The following AP2A1 variants were observed in gnomAD, a reference collection of about 807,000 sequenced individuals.
AP2A1 encodes the protein adaptor related protein complex 2 subunit alpha 1.
In AP2A1, 21 loss-of-function variants were observed where a neutral mutation model predicts 107.3. That is an observed-to-expected ratio of 0.20 (90% confidence interval 0.14 to 0.28). The LOEUF (loss-of-function observed/expected upper bound fraction) is 0.28. Ranked by LOEUF, AP2A1 falls within the 10% of genes least tolerant of loss-of-function variation. The pLI, the probability that AP2A1 is intolerant of heterozygous loss-of-function variation, is 1.00. For missense variants in AP2A1, 873 were observed against 1,307.7 expected (o/e 0.67, Z 5.13); for synonymous variants, 602 against 564.8 (o/e 1.07, Z -0.93).
chr19:49,803,629 T>A lies in AP2A1; in HGVS notation c.2344+253T>A. ...CCTGCTCCAGGCCTCATTTTGTCCC[T>A]GTCTGGCACCTTCCGTGTCCTGCCA... is the stretch of plus-strand genomic sequence containing the variant. On this transcript the variant is annotated intron_variant, in intron 18 of 22. Coordinates refer to ENST00000354293, the MANE Select transcript of AP2A1 (RefSeq NM_130787.3). The A allele has an allele frequency of 1.3e-5, 7 of 523,488 alleles. No homozygotes were observed. In the South Asian group the frequency reaches 1.4e-4, roughly 11 times the overall value. 32.4% of individuals were successfully genotyped at this position (523,488 alleles called of 1,614,324 possible). A position where few individuals can be genotyped will look rare whatever the true frequency, so the allele number is the denominator to read the frequency against.
At chr19:49,771,160 G>A (rs1035786018) in intron 1 of AP2A1, among the ~76,000 whole-genome samples, 1 of 151,652 alleles carries the variant, frequency 6.6e-6, no homozygotes, top group African/African-American at 2.4e-5. Flanking sequence ...AGCATTCAGA[G>A]CTTCTTTTGG....
In AP2A1 at chr19:49,805,957, C is replaced by T. The variant is rs747904663; in HGVS notation, c.2655+16C>T. 7 of 1,613,678 alleles carry T rather than the reference C, an allele frequency of 4.3e-6. No homozygotes were observed. The highest frequency in any genetic ancestry group is 1.1e-5 in the South Asian group (1 of 91,078). ...TAAGGCCAAGGTGAGAGACCGCGGGCGTGTTTGCCGGCCTATGGCTGCTTT... is the reference window on the plus strand; with the variant it reads ...TAAGGCCAAGGTGAGAGACCGCGGGTGTGTTTGCCGGCCTATGGCTGCTTT... On this transcript the variant is annotated intron_variant, in intron 21 of 22. Transcript: ENST00000354293.
rs2084690103 is a variant in AP2A1 at position 49,782,524 on chromosome 19, C to T, written c.280-7C>T. The T allele has an allele frequency of 1.9e-6, 3 of 1,612,436 alleles. No individual in the cohort carries two copies. The highest frequency in any genetic ancestry group is 1.3e-5 in the African/African-American group (1 of 74,910). On this transcript the variant is annotated splice_polypyrimidine_tract_variant and splice_region_variant and intron_variant, in intron 3 of 22. Transcript: ENST00000354293. ...CTCCTAGCCATCCACGACCTCCCTC[C>T]CCACAGGGTTACCTGTTCATTTCTG...
Position 49,799,341 on chromosome 19 carries a change from T to C in AP2A1, c.980T>C (p.Leu327Pro), listed in dbSNP as rs367792205. Residue 327 changes from leucine (L) to proline (P), a missense_variant, in exon 9 of 23, where the codon CTG becomes CCG. This residue lies in a region of AP2A1 where 213 missense variants were observed against 443.5 expected (regional missense o/e 0.48). Coordinates refer to ENST00000354293, the MANE Select transcript of AP2A1 (RefSeq NM_130787.3). The part of the protein sequence containing the change: ...IIHYDSEPNL[L>P]VRACNQLGQF... ...CCTGCTGGCAGTGAGCCCAACCTCC[T>C]GGTTCGGGCCTGCAACCAGCTGGGC... 59 of 1,610,968 alleles carry C rather than the reference T, an allele frequency of 3.7e-5. No individual in the cohort carries two copies. Among genetic ancestry groups the C allele is most frequent in the Non-Finnish European group, 4.2e-5 (50 of 1,179,448 alleles).
intron 1 of AP2A1, among the ~76,000 whole-genome samples, chr19:49,777,076 G>GAAAA (rs563994455): frequency 0.095 from 13,169 of 138,672 alleles, 785 homozygotes; most frequent in East Asian, 0.19. Context: ...TAAAAATGCG[G>GAAAA]AAAAAAAAAA....
chr19:49,806,057 G>C, intron 21 of AP2A1, 62 bp from the exon 22 acceptor site: 1 of 1,602,386 alleles, frequency 6.2e-7, no homozygotes, highest in Non-Finnish European at 8.5e-7. Context: ...TGGGATCTGG[G>C]ATGCCACTGT....
chr19:49,781,823 A>G lies in AP2A1; in HGVS notation c.134A>G (p.Lys45Arg). ...CTGGCCAACATCCGCTCCAAGTTCA[A>G]AGGTAGGCTGGGGGCCCAACTTCTG... ...KELANIRSKF[K>R]GDKALDGYSK... Residue 45 changes from lysine to arginine, a missense_variant and splice_region_variant, in exon 2 of 23, where the codon AAA becomes AGA. Lys to Arg is a conservative substitution (Grantham distance 26, BLOSUM62 2). This residue lies in a region of AP2A1 where 87 missense variants were observed against 178.2 expected (regional missense o/e 0.49). Coordinates refer to ENST00000354293, the MANE Select transcript of AP2A1 (RefSeq NM_130787.3). 6.2e-7 allele frequency: 1 copy of G among 1,610,526 alleles called. No individual in the cohort carries two copies.
At position 49,803,294 on chromosome 19, in the gene AP2A1, G is replaced by C. The variant is rs1300344963; in HGVS notation, c.2262G>C (p.Met754Ile). ...CTCCCCCACCTACTGCAGGCCGCAT[G>C]TATCTCTTCTATGGCAACAAGACCT... ...KSEFRQNLGR[M>I]YLFYGNKTSV... Residue 754 changes from methionine (M) to isoleucine (I), a missense_variant, in exon 18 of 23, where the codon ATG becomes ATC. This residue lies in a region of AP2A1 where 416 missense variants were observed against 473.4 expected (regional missense o/e 0.88). Transcript: ENST00000354293. 2 of 1,613,844 alleles carry C rather than the reference G, an allele frequency of 1.2e-6. No individual in the cohort carries two copies. The highest frequency in any genetic ancestry group is 1.7e-6 in the Non-Finnish European group (2 of 1,179,900).
chr19:49,799,878 C>T, intron 10 of AP2A1, 90 bp from the exon 11 acceptor site: 1 of 1,567,766 alleles, frequency 6.4e-7, no homozygotes, highest in Non-Finnish European at 8.7e-7. Flanking sequence ...TCCTGGGTCT[C>T]CAGATGGGGG....
intron 1 of AP2A1, among the ~76,000 whole-genome samples, 166 bp from the exon 2 acceptor site, chr19:49,781,591 T>G (rs2084676202): frequency 6.6e-6 from 1 of 151,956 alleles, no homozygotes; most frequent in Non-Finnish European, 1.5e-5. Context: ...TTCTTCCCTC[T>G]TTGAAACTCC....
intron 1 of AP2A1, among the ~76,000 whole-genome samples, 151 bp downstream of exon 1, chr19:49,767,351 G>T (rs937791041): frequency 6.6e-6 from 1 of 152,102 alleles, no homozygotes; most frequent in Non-Finnish European, 1.5e-5. Flanking sequence ...ACTTTAGAGT[G>T]GGGGGCACGT....
intron 7 of AP2A1, chr19:49,796,996 T>G (rs1462710631): frequency 2.6e-5 from 4 of 152,270 alleles, no homozygotes; most frequent in African/African-American, 9.6e-5. Flanking sequence ...AATTCTGTTG[T>G]GTGGCCCTGG....
intron 18 of AP2A1, chr19:49,805,158 C>A: frequency 2.7e-6 from 1 of 372,226 alleles, no homozygotes; most frequent in Non-Finnish European, 4.8e-6. Context: ...TTGCCCACAG[C>A]CACTCAGGTG....
intron 4 of AP2A1, among the ~76,000 whole-genome samples, chr19:49,791,064 C>G (rs2073136749): frequency 6.6e-6 from 1 of 152,230 alleles, no homozygotes; most frequent in Non-Finnish European, 1.5e-5. Context: ...CCTCCTGCCC[C>G]ATGGCTCAGG....
chr19:49,806,268 G>C lies in AP2A1; in HGVS notation c.2790+15G>C. 6.3e-7 allele frequency: 1 copy of C among 1,590,364 alleles called. No individual in the cohort carries two copies. Among genetic ancestry groups the C allele is most frequent in the Non-Finnish European group, 8.6e-7 (1 of 1,167,740 alleles). On this transcript the variant is annotated intron_variant, in intron 22 of 22. Coordinates refer to ENST00000354293, the MANE Select transcript of AP2A1 (RefSeq NM_130787.3). ...CCCAGGCCCAGGTGAGTGCTGCTGT[G>C]GGAGGCCTGAGGCCGGCAGGAAGGC... is the stretch of plus-strand genomic sequence containing the variant.
Position 49,787,992 on chromosome 19 carries a change from G to A in AP2A1, c.474-3943G>A, listed in dbSNP as rs151152111. 1.4e-4 allele frequency among the ~76,000 whole-genome samples: 21 copies of A among 152,316 alleles called. No individual in the cohort carries two copies. The East Asian group carries it at 3.5e-3, about 25-fold the overall frequency. ...GATAGAGTCTCACTCTGCTGCCCAG[G>A]CTGGAGTGCAGTGGCATGATCATAG... On this transcript the variant is annotated intron_variant, in intron 4 of 22. Transcript: ENST00000354293.
Position 49,776,296 on chromosome 19 carries a change from G to A in AP2A1, c.68-5461G>A, listed in dbSNP as rs563931861. On this transcript the variant is annotated intron_variant, in intron 1 of 22. Coordinates refer to ENST00000354293, the MANE Select transcript of AP2A1 (RefSeq NM_130787.3). Reference sequence around the variant, plus strand: ...TACCTCCAGGCCATTGCACCTGCTGGTCCTCCTGCCTGGAGCGCGCCTCCC... The same window carrying A: ...TACCTCCAGGCCATTGCACCTGCTGATCCTCCTGCCTGGAGCGCGCCTCCC... 1.6e-3 allele frequency among the ~76,000 whole-genome samples: 245 copies of A among 152,052 alleles called. 2 individuals are homozygous for A. Among genetic ancestry groups the A allele is most frequent in the African/African-American group, 5.8e-3 (242 of 41,480 alleles).
intron 15 of AP2A1, 117 bp downstream of exon 15, chr19:49,802,258 A>C (rs1600243646): frequency 2.3e-5 from 19 of 836,534 alleles, no homozygotes; most frequent in African/African-American, 4.3e-5. Flanking sequence ...TCCTCTCTCC[A>C]TCCTGATGCC....
In AP2A1 at chr19:49,788,659, G is replaced by A. The variant is rs990237739; in HGVS notation, c.474-3276G>A. 5.3e-5 allele frequency among the ~76,000 whole-genome samples: 8 copies of A among 151,116 alleles called. No homozygotes were observed. Among genetic ancestry groups the A allele is most frequent in the Non-Finnish European group, 1.2e-4 (8 of 67,830 alleles). Reference sequence around the variant, plus strand: ...ATGCACTGTGGCTCGGGAGATGAGCGCCATGACAGAGATGGGAAGGTGGCC... The same window carrying A: ...ATGCACTGTGGCTCGGGAGATGAGCACCATGACAGAGATGGGAAGGTGGCC... On this transcript the variant is annotated intron_variant, in intron 4 of 22. Transcript: ENST00000354293. The surrounding 1 kb of genome is among the most constrained non-coding windows in gnomAD (Gnocchi z 4.5).
Sources: gnomAD v4.1 joint callset for allele counts (sites outside exome capture counted in the v4.1 genomes callset) on GRCh38, gnomAD v4.1.1 for gene constraint, gnomAD v4.1.1 regional missense constraint, Gnocchi (gnomAD v3.1) non-coding constraint, MANE v1.5 for transcripts, NCBI Gene and HGNC (gene_info 2026-07-23, HGNC 2026-07-21) for gene names.